PAAF1: variants seen among roughly 807,000 people sequenced by gnomAD.
The protein encoded by PAAF1 is proteasomal ATPase-associated factor 1.
Under a neutral mutation model 52.8 loss-of-function variants are expected in PAAF1, and 46 were observed. That is an observed-to-expected ratio of 0.87 (90% CI 0.69 to 1.11). PAAF1 has a LOEUF of 1.11. Among genes scored for constraint, PAAF1 ranks in the 50% most tolerant of loss-of-function variants. PAAF1 has a pLI of 0.00. For synonymous variants in PAAF1, 178 were observed against 172.8 expected (o/e 1.03, Z -0.24); for missense variants, 424 against 477.4 (o/e 0.89, Z 1.04).
chr11:73,876,807 G>A (rs993087053), upstream of PAAF1: 2 of 426,830 alleles, frequency 4.7e-6, no homozygotes, highest in East Asian at 3.7e-5. Context: ...GCGGCGGCTT[G>A]GGTTTCGCAG....
intron 11 of PAAF1, among the ~76,000 whole-genome samples, chr11:73,926,589 G>C (rs1210070788): frequency 6.6e-6 from 1 of 152,102 alleles, no homozygotes; most frequent in African/African-American, 2.4e-5. Context: ...GGTGTGTGTA[G>C]TCCCAGCTAC....
chr11:73,884,461 C>A (rs979250443), intron 2 of PAAF1, among the ~76,000 whole-genome samples: 2 of 152,172 alleles, frequency 1.3e-5, no homozygotes, highest in Admixed American at 1.3e-4. Context: ...TACCACTGCA[C>A]TCCAGCCTGG....
In PAAF1 at chr11:73,918,967, T is replaced by G. The variant is rs746034538; in HGVS notation, c.953T>G (p.Ile318Ser). Reference protein sequence around the residue: ...VRSPRAPVQVIHRSGAPVLSL... With the variant: ...VRSPRAPVQVSHRSGAPVLSL... ...AATCCTAGGGCTCCGGTACAAGTCA[T>G]CCACAGATCAGGAGCACCAGTTCTA... The change falls in exon 10 of 12, where the codon ATC (isoleucine) becomes AGC (serine). Residue 318 changes from isoleucine (I) to serine (S), a missense_variant. By Grantham distance (142) the Ile-to-Ser change is moderately radical (BLOSUM62 -2). Transcript: ENST00000310571. 6.2e-7 allele frequency: 1 copy of G among 1,613,264 alleles called. No homozygotes were observed. The highest frequency in any genetic ancestry group is 1.7e-5 in the Admixed American group (1 of 59,670).
intron 3 of PAAF1, among the ~76,000 whole-genome samples, chr11:73,890,499 C>T (rs546156998): frequency 6.6e-6 from 1 of 152,182 alleles, no homozygotes; most frequent in Non-Finnish European, 1.5e-5. Context: ...AGTCTATGAA[C>T]ATGTACAGTC....
intron 2 of PAAF1, among the ~76,000 whole-genome samples, chr11:73,884,497 A>C (rs1194078438): frequency 2.0e-5 from 3 of 152,184 alleles, no homozygotes; most frequent in Non-Finnish European, 4.4e-5. Context: ...CCTGTCTCAA[A>C]TATTAAAAAA....
chr11:73,897,276 T>C (rs535845341), intron 4 of PAAF1, among the ~76,000 whole-genome samples: 6,475 of 133,172 alleles, frequency 0.049, 248 homozygotes, highest in African/African-American at 0.07. Flanking sequence ...GCTGGCCGTG[T>C]GGGGGGCTGA....
At chr11:73,913,658 A>G (rs1949991008) in intron 7 of PAAF1, among the ~76,000 whole-genome samples, 1 of 151,784 alleles carries the variant, frequency 6.6e-6, no homozygotes, top group African/African-American at 2.4e-5. Flanking sequence ...AGCAGTTAGA[A>G]TAGTGTGTGA....
chr11:73,882,424 T>C (rs1948940319), intron 2 of PAAF1, among the ~76,000 whole-genome samples: 1 of 151,154 alleles, frequency 6.6e-6, no homozygotes, highest in Non-Finnish European at 1.5e-5. Flanking sequence ...TGTGTGTTTA[T>C]TTTTATTTTT....
At chr11:73,906,313 T>C (rs975768072) in intron 6 of PAAF1, among the ~76,000 whole-genome samples, 10 of 152,182 alleles carry the variant, frequency 6.6e-5, no homozygotes, top group Non-Finnish European at 8.8e-5. Context: ...AGTGTAGTGG[T>C]GCAATCTCCG....
rs758415949 is a variant in PAAF1 at position 73,900,299 on chromosome 11, G to A, written c.411G>A (p.Val137=). ...TATTGGAAGGACATGTGTTTGATGT[G>A]AATTGTTGCAGGTTTTTCCCATCAG... is the stretch of plus-strand genomic sequence containing the variant. ...RRVLEGHVFD[V]NCCRFFPSGL... The change falls in exon 6 of 12, where the codon GTG becomes GTA. Residue 137 remains valine, a synonymous_variant. Transcript: ENST00000310571. The A allele has an allele frequency of 6.2e-6, 10 of 1,611,406 alleles. No homozygotes were observed. In the South Asian group the frequency reaches 6.6e-5, roughly 11 times the overall value.
chr11:73,896,141 T>C (rs374444569), intron 4 of PAAF1, among the ~76,000 whole-genome samples: 1 of 151,902 alleles, frequency 6.6e-6, no homozygotes, highest in African/African-American at 2.4e-5. Context: ...AAAGTGAGTT[T>C]GGAAAACAAA....
chr11:73,883,299 T>G (rs140484840), intron 2 of PAAF1, among the ~76,000 whole-genome samples: 1 of 152,286 alleles, frequency 6.6e-6, no homozygotes, highest in East Asian at 1.9e-4. Flanking sequence ...GAGATAAAAA[T>G]GTGTGCTATC....
chr11:73,925,041 G>C (rs536075502), intron 11 of PAAF1, among the ~76,000 whole-genome samples: 12 of 151,204 alleles, frequency 7.9e-5, no homozygotes, highest in African/African-American at 2.9e-4. Flanking sequence ...TGTAGTTCCA[G>C]TTACTTGGGA....
At chr11:73,921,349 G>T (rs1341128985) in intron 10 of PAAF1, among the ~76,000 whole-genome samples, 1 of 150,462 alleles carries the variant, frequency 6.6e-6, no homozygotes, top group Non-Finnish European at 1.5e-5. Context: ...GTTATATGAG[G>T]AGTGTAGGTG....
At chr11:73,898,010 G>T (rs934553572) in intron 4 of PAAF1, among the ~76,000 whole-genome samples, 3 of 152,156 alleles carry the variant, frequency 2.0e-5, no homozygotes, top group Non-Finnish European at 4.4e-5. Flanking sequence ...GCGAATCCCC[G>T]TCTCCACCAA....
intron 10 of PAAF1, among the ~76,000 whole-genome samples, chr11:73,923,023 A>G (rs908523567): frequency 6.6e-6 from 1 of 152,112 alleles, no homozygotes; most frequent in Non-Finnish European, 1.5e-5. Context: ...GCTATTATCA[A>G]TATATTGCTA....
intron 1 of PAAF1, among the ~76,000 whole-genome samples, chr11:73,878,413 A>G (rs1193730826): frequency 6.6e-6 from 1 of 152,198 alleles, no homozygotes; most frequent in Non-Finnish European, 1.5e-5. Context: ...AATAAAAGGA[A>G]TCTTGTTTGG....
intron 5 of PAAF1, among the ~76,000 whole-genome samples, chr11:73,899,709 G>A (rs1040138691): frequency 2.6e-5 from 4 of 152,136 alleles, no homozygotes; most frequent in Non-Finnish European, 4.4e-5. Flanking sequence ...ACCGCTCCTG[G>A]CCTCTCAGCT....
At chr11:73,882,287 C>T (rs1346252682) in intron 2 of PAAF1, among the ~76,000 whole-genome samples, 1 of 148,752 alleles carries the variant, frequency 6.7e-6, no homozygotes, top group Non-Finnish European at 1.5e-5. Flanking sequence ...GCTGGGATTA[C>T]AGGCGTGAGG....
Sources: gnomAD v4.1 joint callset for allele counts (sites outside exome capture counted in the v4.1 genomes callset) on GRCh38, gnomAD v4.1.1 for gene constraint, MANE v1.5 for transcripts, NCBI Gene and HGNC (gene_info 2026-07-23, HGNC 2026-07-21) for gene names.